Variants in ANXA6 observed in about 807,000 individuals in gnomAD.
ANXA6 encodes the protein annexin A6.
ANXA6 carries 71 observed loss-of-function variants against 95.4 expected under a neutral mutation model. The ratio of observed to expected loss-of-function variants is 0.74; its 90% CI spans 0.61 to 0.91. ANXA6 has a LOEUF of 0.91. Among genes scored for constraint, ANXA6 ranks in the 40% least tolerant of loss-of-function variants. The pLI is 0.00. For synonymous variants in ANXA6, 289 were observed against 315.9 expected, an observed-to-expected ratio of 0.91 and a Z score of 0.90; for missense variants, 830 against 876.4, an observed-to-expected ratio of 0.95 and a Z score of 0.67.
chr5:151,124,704 C>T (rs937521467), intron 14 of ANXA6, among the ~76,000 whole-genome samples: 4 of 152,204 alleles, frequency 2.6e-5, no homozygotes, highest in African/African-American at 7.2e-5. Context: ...CTTATTCCAC[C>T]GGGGCATCCC....
chr5:151,140,746 G>A (rs1273780149), intron 2 of ANXA6, among the ~76,000 whole-genome samples: 1 of 152,070 alleles, frequency 6.6e-6, no homozygotes, highest in African/African-American at 2.4e-5. Context: ...TATTTTTATG[G>A]CATTTTATGT....
chr5:151,150,034 G>A (rs771208781), intron 1 of ANXA6, among the ~76,000 whole-genome samples: 3 of 151,802 alleles, frequency 2.0e-5, no homozygotes, highest in African/African-American at 4.8e-5. Context: ...CAGGTGAATC[G>A]CTTGAGCTGG....
chr5:151,117,893 G>C, intron 18 of ANXA6, 56 bp from the exon 19 acceptor site: 1 of 1,468,626 alleles, frequency 6.8e-7, no homozygotes, highest in Non-Finnish European at 9.5e-7. Flanking sequence ...TTTGGTTGCG[G>C]GGAGGGAGGT....
At position 151,128,243 on chromosome 5, in the gene ANXA6, AAGAG is replaced by A; in HGVS notation, c.919-8_919-5del. ...TGTACTCGCCAGAGGTGTCATTCTG[AAGAG>A]AAAGAAAGAAAGGTTACCTCTCACC... On this transcript the variant is annotated splice_region_variant and splice_polypyrimidine_tract_variant and intron_variant, in intron 12 of 25. Transcript: ENST00000354546. 7.5e-6 allele frequency: 12 copies of A among 1,607,362 alleles called. No individual in the cohort carries two copies. The highest frequency in any genetic ancestry group is 1.1e-5 in the South Asian group (1 of 89,782).
At chr5:151,128,063 T>A in intron 13 of ANXA6, 118 bp downstream of exon 13, 9 of 888,790 alleles carry the variant, frequency 1.0e-5, no homozygotes, top group Non-Finnish European at 1.6e-5. Context: ...TGTGCGACGC[T>A]CCTGGCTCAG....
chr5:151,132,457 A>G lies in ANXA6; in HGVS notation c.736+19T>C, dbSNP rs776017779. On this transcript the variant is annotated intron_variant, in intron 10 of 25. Coordinates refer to ENST00000354546, the MANE Select transcript of ANXA6 (RefSeq NM_001155.5). ...CCAGAATCCCCTAAAGCCCCCAGGA[A>G]TGCAACGTCAGGACATACCTACGGC... The G allele has an allele frequency of 6.3e-6, 10 of 1,595,964 alleles. No individual in the cohort carries two copies. In the African/African-American group the frequency reaches 1.3e-4, roughly 21 times the overall value.
chr5:151,152,086 G>A (rs888702525), intron 1 of ANXA6, among the ~76,000 whole-genome samples: 3 of 152,218 alleles, frequency 2.0e-5, no homozygotes, highest in African/African-American at 7.2e-5. Flanking sequence ...CAGAGATGTG[G>A]ATAGGGGAAG....
At chr5:151,141,012 G>A (rs1765821451) in intron 2 of ANXA6, among the ~76,000 whole-genome samples, 1 of 152,242 alleles carries the variant, frequency 6.6e-6, no homozygotes, top group Admixed American at 6.5e-5. Flanking sequence ...ACAAGGCACT[G>A]CCCCTCTGGG....
At chr5:151,155,999 T>C (rs977751951) in intron 1 of ANXA6, among the ~76,000 whole-genome samples, 1 of 152,246 alleles carries the variant, frequency 6.6e-6, no homozygotes, top group South Asian at 2.1e-4. Context: ...AGGCCAGGCC[T>C]TGGGCTTCCC....
chr5:151,141,686 C>T, intron 2 of ANXA6: 1 of 985,492 alleles, frequency 1.0e-6, no homozygotes, highest in African/African-American at 1.7e-5. Context: ...CTGAGGTATG[C>T]ATGCGTCGGC....
intron 1 of ANXA6, chr5:151,155,429 A>G (rs1160204631): frequency 2.0e-5 from 3 of 152,138 alleles, no homozygotes; most frequent in African/African-American, 7.2e-5. Context: ...AGGACATCCA[A>G]GGAACCTATA....
intron 8 of ANXA6, 141 bp from the exon 9 acceptor site, chr5:151,133,328 C>A (rs770024149): frequency 1.6e-6 from 1 of 615,442 alleles, no homozygotes; most frequent in South Asian, 1.9e-5. Context: ...ATAAAACAGT[C>A]ATGCATCATT....
At chr5:151,118,723 G>A (rs1432913798) in intron 18 of ANXA6, among the ~76,000 whole-genome samples, 1 of 151,940 alleles carries the variant, frequency 6.6e-6, no homozygotes, top group East Asian at 1.9e-4. Flanking sequence ...GTGAACCACC[G>A]CACCCAGCCA....
At position 151,117,195 on chromosome 5, in the gene ANXA6, G is replaced by C. The variant is rs1765025825; in HGVS notation, c.1519-15C>G. On this transcript the variant is annotated splice_polypyrimidine_tract_variant and intron_variant, in intron 19 of 25. Coordinates refer to ENST00000354546, the MANE Select transcript of ANXA6 (RefSeq NM_001155.5). The stretch of plus-strand genomic sequence containing the variant: ...TCACGATGCCCCTGCAGCAGGAGCA[G>C]CAAGAAAGTTCAGTCCCCAAACATC... 1 of 1,584,732 alleles carries C rather than the reference G, an allele frequency of 6.3e-7. No individual in the cohort carries two copies. Among genetic ancestry groups the C allele is most frequent in the African/African-American group, 1.4e-5 (1 of 73,932 alleles).
rs56708608 is a variant in ANXA6, at chr5:151,124,536, TGAGA to T, written c.1057-173_1057-170del. On this transcript the variant is annotated intron_variant, in intron 14 of 25. Transcript: ENST00000354546. ...CAGCAGACAGACCCTGCACGAGAGC[TGAGA>T]GAGAGAGAGAGAGAGAGAGAGAAAG... 3.1e-3 allele frequency among the ~76,000 whole-genome samples: 450 copies of T among 146,788 alleles called. 3 individuals are homozygous for T. The highest frequency in any genetic ancestry group is 0.01 in the African/African-American group (419 of 40,302).
At chr5:151,150,119 A>G (rs75344930) in intron 1 of ANXA6, among the ~76,000 whole-genome samples, 5 of 147,050 alleles carry the variant, frequency 3.4e-5, no homozygotes, top group African/African-American at 1.2e-4. Context: ...CTCTGACTCA[A>G]AAAAAAAAAA....
intron 1 of ANXA6, among the ~76,000 whole-genome samples, chr5:151,153,439 C>T (rs1285490543): frequency 1.3e-5 from 2 of 152,200 alleles, no homozygotes; most frequent in East Asian, 3.8e-4. Context: ...GATTCAAATG[C>T]CGCCTTTTCT....
Position 151,117,815 on chromosome 5 carries a change from A to G in ANXA6, c.1461T>C (p.Asp487=), listed in dbSNP as rs1395322865. 1 of 1,613,794 alleles carries G rather than the reference A, an allele frequency of 6.2e-7. No homozygotes were observed. The change falls in exon 19 of 26, where the codon GAT becomes GAC. Residue 487 remains aspartate, a synonymous_variant. Transcript: ENST00000354546. ...GGCCAGATGTGTCTGAGCTCAGAGCATCCTCCAGGGACTTGTGATAGTCTG... is the reference window on the plus strand; with the variant it reads ...GGCCAGATGTGTCTGAGCTCAGAGCGTCCTCCAGGGACTTGTGATAGTCTG... ...YKEDYHKSLE[D]ALSSDTSGHF...
chr5:151,140,779 G>A (rs1765813504), intron 2 of ANXA6, among the ~76,000 whole-genome samples: 1 of 152,130 alleles, frequency 6.6e-6, no homozygotes, highest in Non-Finnish European at 1.5e-5. Flanking sequence ...CTCTGTGAAT[G>A]TCATTAGTGT....
Sources: gnomAD v4.1 joint callset for allele counts (sites outside exome capture counted in the v4.1 genomes callset) on GRCh38, gnomAD v4.1.1 for gene constraint, MANE v1.5 for transcripts, NCBI Gene and HGNC (gene_info 2026-07-23, HGNC 2026-07-21) for gene names.